Variants in CCDC85A observed in about 807,000 individuals in gnomAD.
The protein encoded by CCDC85A is coiled-coil domain containing 85A, also known as coiled-coil domain-containing protein 85A.
In CCDC85A, 38 loss-of-function variants were observed where a neutral mutation model predicts 50.2. The observed-to-expected ratio is 0.76, with a 90% CI of 0.58 to 0.99. CCDC85A has a LOEUF of 0.99. CCDC85A is among the 50% of genes least tolerant of loss of function. CCDC85A has a pLI of 0.00. For missense variants in CCDC85A, 820 were observed against 742.0 expected (o/e 1.11, Z -1.22); for synonymous variants, 366 against 301.4 (o/e 1.21, Z -2.22).
chr2:56,195,182 A>G (rs950358783), intron 2 of CCDC85A, among the ~76,000 whole-genome samples: 8 of 152,238 alleles, frequency 5.3e-5, no homozygotes, highest in African/African-American at 1.7e-4. Context: ...GCTTCTTTAT[A>G]TAAAGAACTC....
chr2:56,211,860 A>C (rs1215063804), intron 2 of CCDC85A, among the ~76,000 whole-genome samples: 1 of 152,008 alleles, frequency 6.6e-6, no homozygotes, highest in Non-Finnish European at 1.5e-5. Context: ...CTCATCTCTA[A>C]TATCTCCCAT....
intron 2 of CCDC85A, among the ~76,000 whole-genome samples, chr2:56,226,880 A>G (rs1668564365): frequency 6.6e-6 from 1 of 152,080 alleles, no homozygotes; most frequent in African/African-American, 2.4e-5. Flanking sequence ...CAGCTTTGGA[A>G]TTTTGTAACT....
intron 2 of CCDC85A, among the ~76,000 whole-genome samples, chr2:56,273,343 G>A (rs1181603606): frequency 6.6e-6 from 1 of 152,056 alleles, no homozygotes; most frequent in Non-Finnish European, 1.5e-5. Flanking sequence ...GAGCACCTCA[G>A]TATATGGGAG....
intron 2 of CCDC85A, among the ~76,000 whole-genome samples, chr2:56,330,152 A>T (rs892372273): frequency 6.6e-6 from 1 of 151,950 alleles, no homozygotes; most frequent in East Asian, 1.9e-4. Flanking sequence ...CAGCAGCAAC[A>T]TAACAGTGGA....
intron 2 of CCDC85A, among the ~76,000 whole-genome samples, chr2:56,322,779 C>G (rs1219390762): frequency 6.6e-6 from 1 of 152,118 alleles, no homozygotes; most frequent in Non-Finnish European, 1.5e-5. Flanking sequence ...TATGACCCAG[C>G]CATCCCATTA....
At chr2:56,214,787 G>T (rs1472848868) in intron 2 of CCDC85A, among the ~76,000 whole-genome samples, 2 of 151,916 alleles carry the variant, frequency 1.3e-5, no homozygotes, top group East Asian at 3.9e-4. Flanking sequence ...GTAGTTTGAA[G>T]TAATTACAGA....
At chr2:56,306,414 C>T (rs115252433) in intron 2 of CCDC85A, among the ~76,000 whole-genome samples, 3 of 152,066 alleles carry the variant, frequency 2.0e-5, no homozygotes, top group African/African-American at 2.4e-5. Flanking sequence ...AGGTGTAAGC[C>T]GCTGTGCCTG....
chr2:56,357,202 A>G (rs1166092227), intron 3 of CCDC85A, among the ~76,000 whole-genome samples: 2 of 152,208 alleles, frequency 1.3e-5, no homozygotes, highest in South Asian at 2.1e-4. Flanking sequence ...GAAACCAGTC[A>G]TACTGAGCTG....
chr2:56,198,399 T>C (rs993151320), intron 2 of CCDC85A, among the ~76,000 whole-genome samples: 2 of 152,246 alleles, frequency 1.3e-5, no homozygotes, highest in African/African-American at 2.4e-5. Flanking sequence ...TTGTGTGAAC[T>C]GACAGATGGT....
chr2:56,234,535 G>A (rs1668918268), intron 2 of CCDC85A, among the ~76,000 whole-genome samples: 1 of 151,888 alleles, frequency 6.6e-6, no homozygotes, highest in African/African-American at 2.4e-5. Context: ...TATTTTCATT[G>A]TCTCTTGTAT....
intron 2 of CCDC85A, among the ~76,000 whole-genome samples, chr2:56,245,087 G>C (rs1348316412): frequency 6.6e-6 from 1 of 152,186 alleles, no homozygotes; most frequent in Admixed American, 6.5e-5. Context: ...TGTCTCACTA[G>C]GTCATGTGCC....
intron 2 of CCDC85A, among the ~76,000 whole-genome samples, chr2:56,251,877 TTC>T (rs1491086316): frequency 3.3e-5 from 5 of 151,558 alleles, no homozygotes; most frequent in Middle Eastern, 3.4e-3. Flanking sequence ...GGTGGCTGAT[TTC>T]TTTTTTTTCC....
At chr2:56,372,294 G>C in intron 3 of CCDC85A, 50 bp from the exon 4 acceptor site, 1 of 1,450,586 alleles carries the variant, frequency 6.9e-7, no homozygotes, top group Non-Finnish European at 9.2e-7. Context: ...CTTGAGACTT[G>C]GGAAACAGTA....
At chr2:56,299,166 C>A (rs1672090988) in intron 2 of CCDC85A, among the ~76,000 whole-genome samples, 1 of 152,146 alleles carries the variant, frequency 6.6e-6, no homozygotes. Context: ...AGAGTAAAGG[C>A]TACACAGGAA....
chr2:56,268,302 GA>G (rs964654362), intron 2 of CCDC85A, among the ~76,000 whole-genome samples: 24 of 151,938 alleles, frequency 1.6e-4, no homozygotes, highest in African/African-American at 3.4e-4. Context: ...ACCTTTCAAA[GA>G]AAAAAAATGA....
intron 2 of CCDC85A, among the ~76,000 whole-genome samples, chr2:56,322,642 C>G (rs1029381180): frequency 7.2e-5 from 11 of 152,188 alleles, no homozygotes; most frequent in African/African-American, 2.6e-4. Flanking sequence ...AGTCAGGAGA[C>G]AACAGGTGCT....
chr2:56,266,419 A>G (rs552233368), intron 2 of CCDC85A, among the ~76,000 whole-genome samples: 1 of 152,308 alleles, frequency 6.6e-6, no homozygotes, highest in Admixed American at 6.5e-5. Flanking sequence ...AAAGCAAACC[A>G]AATAGCTAAA....
intron 3 of CCDC85A, among the ~76,000 whole-genome samples, chr2:56,343,435 A>C (rs1458470500): frequency 6.6e-6 from 1 of 152,238 alleles, no homozygotes; most frequent in African/African-American, 2.4e-5. Context: ...AGTGCAACAA[A>C]GTGATGACAG....
chr2:56,262,652 C>G (rs921624575), intron 2 of CCDC85A, among the ~76,000 whole-genome samples: 3 of 152,164 alleles, frequency 2.0e-5, no homozygotes, highest in African/African-American at 4.8e-5. Context: ...TAGCAAGTGG[C>G]AATTGTATTT....
Sources: gnomAD v4.1 joint callset for allele counts (sites outside exome capture counted in the v4.1 genomes callset) on GRCh38, gnomAD v4.1.1 for gene constraint, MANE v1.5 for transcripts, NCBI Gene and HGNC (gene_info 2026-07-23, HGNC 2026-07-21) for gene names.